Variants in PLAA observed in about 807,000 individuals in gnomAD.
PLAA encodes the protein phospholipase A-2-activating protein.
In PLAA, 48 loss-of-function variants were observed where a neutral mutation model predicts 84.1. That is an observed-to-expected ratio of 0.57 (90% CI 0.45 to 0.73). The LOEUF (loss-of-function observed/expected upper bound fraction) is 0.73. Ranked by LOEUF, PLAA falls within the 30% of genes least tolerant of loss-of-function variation. The pLI is 0.00. For synonymous variants in PLAA, 392 were observed against 336.6 expected (o/e 1.16, Z -1.80); for missense variants, 903 against 954.7 (o/e 0.95, Z 0.71).
intron 2 of PLAA, among the ~76,000 whole-genome samples, chr9:26,929,591 G>A (rs1451347773): frequency 1.3e-5 from 2 of 152,218 alleles, no homozygotes; most frequent in African/African-American, 4.8e-5. Context: ...CCAGAAGGAA[G>A]CAATCACAAA....
At position 26,925,716 on chromosome 9, in the gene PLAA, A is replaced by G. The variant is rs1236335875; in HGVS notation, c.869+109T>C. On this transcript the variant is annotated intron_variant, in intron 6 of 13. Transcript: ENST00000397292. ...TTTGTTTAGTAATTGAAGTGTCCATATAGTCTCCTCAAGTCACGTGAAATT... is the reference window on the plus strand; with the variant it reads ...TTTGTTTAGTAATTGAAGTGTCCATGTAGTCTCCTCAAGTCACGTGAAATT... The G allele has an allele frequency of 3.4e-6, 3 of 870,234 alleles. No individual in the cohort carries two copies. The African/African-American group carries it at 5.1e-5, about 15-fold the overall frequency. The allele number at this position is 870,234 out of a possible 1,614,324, so 53.9% of individuals were successfully genotyped here. A position where few individuals can be genotyped will look rare whatever the true frequency, so the allele number is the denominator to read the frequency against.
At chr9:26,939,625 A>C (rs1825468624) in intron 1 of PLAA, among the ~76,000 whole-genome samples, 1 of 152,038 alleles carries the variant, frequency 6.6e-6, no homozygotes, top group Non-Finnish European at 1.5e-5. Flanking sequence ...CATTTTAAAA[A>C]ACATAATCCA....
chr9:26,919,512 G>C lies in PLAA; in HGVS notation c.1215C>G (p.Phe405Leu), dbSNP rs1297821592. The C allele has an allele frequency of 6.3e-7, 1 of 1,593,188 alleles. No individual in the cohort carries two copies. Among genetic ancestry groups the C allele is most frequent in the East Asian group, 2.2e-5 (1 of 44,616 alleles). ...LYEGKEFDYV[F>L]SIDVNEGGPS... ...GTCCACCTTCATTGACATCAATTGAGAAAACATAATCAAATTCCTAAAGTA... is the reference window on the plus strand; with the variant it reads ...GTCCACCTTCATTGACATCAATTGACAAAACATAATCAAATTCCTAAAGTA... Residue 405 changes from phenylalanine (F) to leucine (L), a missense_variant, in exon 9 of 14, where the codon TTC (phenylalanine) becomes TTG (leucine). By Grantham distance (22) the Phe-to-Leu change is conservative. Coordinates refer to ENST00000397292, the MANE Select transcript of PLAA (RefSeq NM_001031689.3).
At chr9:26,933,101 C>T (rs1825238254) in intron 2 of PLAA, among the ~76,000 whole-genome samples, 1 of 152,076 alleles carries the variant, frequency 6.6e-6, no homozygotes, top group South Asian at 2.1e-4. Context: ...AACCCTGTCT[C>T]TACTAAAAAT....
chr9:26,947,205 AG>A lies in PLAA; in HGVS notation c.-161del, dbSNP rs1253538561. The A allele has an allele frequency of 1.2e-6, 1 of 824,642 alleles. No homozygotes were observed. The highest frequency in any genetic ancestry group is 1.8e-5 in the African/African-American group (1 of 54,914). 51.1% of individuals were successfully genotyped at this position (824,642 alleles called of 1,614,324 possible). A position where few individuals can be genotyped will look rare whatever the true frequency, so the allele number is the denominator to read the frequency against. On this transcript the variant is annotated 5_prime_UTR_variant, in exon 1 of 14. Transcript: ENST00000397292. Reference sequence around the variant, plus strand: ...AGCCGGTACGGAAGGGCGGCTGGGAAGGGGCGCGCCGAGCGGGCCGAGTGAC... The same window carrying A: ...AGCCGGTACGGAAGGGCGGCTGGGAAGGGCGCGCCGAGCGGGCCGAGTGAC...
At position 26,915,196 on chromosome 9, in the gene PLAA, G is replaced by C. The variant is rs187485741; in HGVS notation, c.1487-1249C>G. ...CATTGCACTCCAGCCTGGGCAAGAA[G>C]AACAAAACTCTGACTCGAAAAAAAA... On this transcript the variant is annotated intron_variant, in intron 10 of 13. Coordinates refer to ENST00000397292, the MANE Select transcript of PLAA (RefSeq NM_001031689.3). 1.6e-4 allele frequency among the ~76,000 whole-genome samples: 23 copies of C among 144,126 alleles called. No individual in the cohort carries two copies. The East Asian group carries it at 1.8e-3, about 11-fold the overall frequency. The allele number at this position is 144,126 out of a possible 152,430, so 94.6% of individuals were successfully genotyped here.
intron 11 of PLAA, among the ~76,000 whole-genome samples, chr9:26,912,819 T>G (rs898746123): frequency 6.6e-6 from 1 of 152,214 alleles, no homozygotes; most frequent in East Asian, 1.9e-4. Flanking sequence ...GAGCTGAGAT[T>G]TGAATTTAGA....
In PLAA at chr9:26,904,087, C is replaced by T. The variant is rs952287550; in HGVS notation, c.*1424G>A. On this transcript the variant is annotated 3_prime_UTR_variant, in exon 14 of 14. Transcript: ENST00000397292. ...TAGTCCAGGTACACACCAGGTAGTT[C>T]CAATTTAATACTCAGCAAAGTACAT... is the stretch of plus-strand genomic sequence containing the variant. The T allele has an allele frequency of 2.6e-5, 4 of 153,342 alleles. No homozygotes were observed. The highest frequency in any genetic ancestry group is 9.7e-5 in the African/African-American group (4 of 41,444). The allele number at this position is 153,342 out of a possible 1,614,324, so 9.5% of individuals were successfully genotyped here. A position where few individuals can be genotyped will look rare whatever the true frequency, so the allele number is the denominator to read the frequency against.
rs954104727 is a variant in PLAA, at chr9:26,904,203, A to G, written c.*1308T>C. 2.6e-5 allele frequency: 4 copies of G among 152,148 alleles called. No individual in the cohort carries two copies. Among genetic ancestry groups the G allele is most frequent in the Admixed American group, 2.6e-4 (4 of 15,278 alleles). The allele number at this position is 152,148 out of a possible 1,614,324, so 9.4% of individuals were successfully genotyped here. A position where few individuals can be genotyped will look rare whatever the true frequency, so the allele number is the denominator to read the frequency against. ...TTGACAATTAGAACCTTTCTTGCCC[A>G]TTTGGGGAACAATTATTCTTCTAAG... is the stretch of plus-strand genomic sequence containing the variant. On this transcript the variant is annotated 3_prime_UTR_variant, in exon 14 of 14. Coordinates refer to ENST00000397292, the MANE Select transcript of PLAA (RefSeq NM_001031689.3).
intron 11 of PLAA, among the ~76,000 whole-genome samples, chr9:26,911,495 G>T (rs775996071): frequency 6.6e-6 from 1 of 152,076 alleles, no homozygotes; most frequent in Non-Finnish European, 1.5e-5. Context: ...CACCATGTTG[G>T]TTGGGCTGGT....
chr9:26,915,549 T>C, intron 10 of PLAA: 1 of 311,904 alleles, frequency 3.2e-6, no homozygotes, highest in Non-Finnish European at 4.7e-6. Context: ...AACTAATACA[T>C]ACCGTGGCTT....
intron 10 of PLAA, chr9:26,915,650 T>C (rs1824525375): frequency 5.3e-6 from 5 of 951,480 alleles, no homozygotes; most frequent in African/African-American, 1.8e-5. Flanking sequence ...TATATATTTA[T>C]ACAAAAGTGT....
chr9:26,943,782 T>C (rs1563922572), intron 1 of PLAA, among the ~76,000 whole-genome samples: 1 of 151,914 alleles, frequency 6.6e-6, no homozygotes, highest in Non-Finnish European at 1.5e-5. Flanking sequence ...CGCTCATCTC[T>C]ACAAAAATAA....
At chr9:26,928,548 C>T (rs368031165) in intron 2 of PLAA, 140 bp from the exon 3 acceptor site, 39 of 677,290 alleles carry the variant, frequency 5.8e-5, no homozygotes, top group East Asian at 2.2e-4. Context: ...TCAGCAGAGA[C>T]GCATAAGAGT....
chr9:26,919,889 G>T (rs1262825036), intron 8 of PLAA, among the ~76,000 whole-genome samples: 2 of 152,138 alleles, frequency 1.3e-5, no homozygotes, highest in South Asian at 4.1e-4. Flanking sequence ...GCCCTGCAGG[G>T]TCTCTCATGT....
chr9:26,910,761 A>T (rs959995761), intron 11 of PLAA, among the ~76,000 whole-genome samples: 2 of 152,024 alleles, frequency 1.3e-5, no homozygotes, highest in African/African-American at 4.8e-5. Context: ...GGGCTCAAGC[A>T]ATCCTCCCAC....
chr9:26,928,988 A>C (rs993277559), intron 2 of PLAA, among the ~76,000 whole-genome samples: 4 of 152,210 alleles, frequency 2.6e-5, no homozygotes, highest in African/African-American at 9.7e-5. Context: ...GCTTGAGCTC[A>C]GGAGTTAGAG....
rs755938548 is a variant in PLAA, at chr9:26,919,456, T to C, written c.1271A>G (p.Asp424Gly). 1.2e-6 allele frequency: 2 copies of C among 1,611,358 alleles called. No individual in the cohort carries two copies. Among genetic ancestry groups the C allele is most frequent in the East Asian group, 2.2e-5 (1 of 44,778 alleles). ...GTTGTATGCAGTTAACCAAGGGTCA[T>C]CACTGGTATTATATGGCAATTTATA... is the stretch of plus-strand genomic sequence containing the variant. ...PSYKLPYNTSDDPWLTAYNFL... is the reference protein window; with the variant it reads ...PSYKLPYNTSGDPWLTAYNFL... The change falls in exon 9 of 14, where the codon GAT becomes GGT. Residue 424 changes from aspartate (D) to glycine (G), a missense_variant. By Grantham distance (94) the Asp-to-Gly change is moderately conservative. Transcript: ENST00000397292.
intron 2 of PLAA, among the ~76,000 whole-genome samples, chr9:26,933,556 A>AG (rs1346623439): frequency 2.0e-5 from 3 of 152,020 alleles, no homozygotes; most frequent in Admixed American, 6.5e-5. Flanking sequence ...TGGAAGGCCG[A>AG]GGGGGGCAAA....
Sources: gnomAD v4.1 joint callset for allele counts (sites outside exome capture counted in the v4.1 genomes callset) on GRCh38, gnomAD v4.1.1 for gene constraint, MANE v1.5 for transcripts, NCBI Gene and HGNC (gene_info 2026-07-23, HGNC 2026-07-21) for gene names.